The following COBLL1 variants were observed in gnomAD, a reference collection of about 807,000 sequenced individuals.
COBLL1 encodes cordon-bleu WH2 repeat protein like 1.
In COBLL1, 50 loss-of-function variants were observed where a neutral mutation model predicts 94.8. The ratio of observed to expected loss-of-function variants is 0.53; its 90% CI spans 0.42 to 0.67. The LOEUF (loss-of-function observed/expected upper bound fraction) is 0.67. Ranked by LOEUF, COBLL1 falls within the 30% of genes least tolerant of loss-of-function variation. The pLI, the probability that COBLL1 is intolerant of heterozygous loss-of-function variation, is 0.00. For synonymous variants in COBLL1, 448 were observed against 473.8 expected (o/e 0.95, Z 0.71); for missense variants, 1,362 against 1,348.7 (o/e 1.01, Z -0.15).
chr2:164,695,088 G>T lies in COBLL1; in HGVS notation c.2304C>A (p.His768Gln). ...DQDMHALGKK[H>Q]THENVKETAI... ...CAGTTTCTTTCACATTCTCATGAGT[G>T]TGCTTTTTCCCTAAAGCATGCATGT... Residue 768 changes from histidine to glutamine, a missense_variant, in exon 12 of 14, where the codon CAC (histidine) becomes CAA (glutamine). By Grantham distance (24) the His-to-Gln change is conservative. Coordinates refer to ENST00000652658, the MANE Select transcript of COBLL1 (RefSeq NM_001365672.2). The T allele has an allele frequency of 6.2e-7, 1 of 1,613,780 alleles. No homozygotes were observed. Among genetic ancestry groups the T allele is most frequent in the Non-Finnish European group, 8.5e-7 (1 of 1,179,898 alleles).
chr2:164,775,095 G>A (rs1177146137), intron 2 of COBLL1, among the ~76,000 whole-genome samples: 3 of 151,952 alleles, frequency 2.0e-5, no homozygotes, highest in Non-Finnish European at 2.9e-5. Context: ...GTTTGAGGTT[G>A]CAGTGAGCTG....
chr2:164,823,291 T>C (rs1685271691), intron 2 of COBLL1, among the ~76,000 whole-genome samples: 1 of 152,334 alleles, frequency 6.6e-6, no homozygotes, highest in South Asian at 2.1e-4. Flanking sequence ...TGACGCATTG[T>C]TTATTTAACA....
chr2:164,760,848 T>C (rs939318684), intron 2 of COBLL1, among the ~76,000 whole-genome samples: 1 of 152,230 alleles, frequency 6.6e-6, no homozygotes, highest in African/African-American at 2.4e-5. Flanking sequence ...CTTCAGTTCG[T>C]ACCTATTTAA....
At chr2:164,689,122 T>C (rs765584029) in intron 13 of COBLL1, among the ~76,000 whole-genome samples, 4 of 152,094 alleles carry the variant, frequency 2.6e-5, no homozygotes, top group Non-Finnish European at 5.9e-5. Flanking sequence ...TACATGTGGG[T>C]TGAGTAGGGG....
At chr2:164,803,448 C>T (rs1228977147) in intron 2 of COBLL1, among the ~76,000 whole-genome samples, 2 of 150,524 alleles carry the variant, frequency 1.3e-5, no homozygotes, top group African/African-American at 4.8e-5. Context: ...GCCTGTAGTC[C>T]CAGCTACTTG....
chr2:164,701,910 T>A (rs866590427), intron 9 of COBLL1, among the ~76,000 whole-genome samples: 1 of 7,114 alleles, frequency 1.4e-4, no homozygotes, highest in Admixed American at 1.5e-3. Flanking sequence ...GGGGGCGGGG[T>A]GGGGAGGTGG....
rs567465534 is a variant in COBLL1, at chr2:164,748,133, T to C, written c.42-4258A>G. Among the ~76,000 whole-genome samples, 5 of 152,252 alleles carry C rather than the reference T, an allele frequency of 3.3e-5. No homozygotes were observed. In the East Asian group the frequency reaches 9.7e-4, roughly 29 times the overall value. ...TGATAAGCAGAGCCTGTAGGGTCAA[T>C]TATATGTTAGTTCCCAATTGTGATC... On this transcript the variant is annotated intron_variant, in intron 2 of 13. Transcript: ENST00000652658.
At chr2:164,725,976 G>A (rs183616432) in intron 5 of COBLL1, among the ~76,000 whole-genome samples, 1 of 152,054 alleles carries the variant, frequency 6.6e-6, no homozygotes, top group Non-Finnish European at 1.5e-5. Context: ...AGGAGGCAAG[G>A]GTAGTGACAG....
At chr2:164,818,244 A>G (rs895819977) in intron 2 of COBLL1, among the ~76,000 whole-genome samples, 2 of 150,036 alleles carry the variant, frequency 1.3e-5, no homozygotes, top group African/African-American at 5.0e-5. Context: ...ATGTATGTAT[A>G]CATGTGCATA....
At position 164,728,011 on chromosome 2, in the gene COBLL1, C is replaced by G; in HGVS notation, c.619G>C (p.Asp207His). 1 of 1,612,994 alleles carries G rather than the reference C, an allele frequency of 6.2e-7. No individual in the cohort carries two copies. The highest frequency in any genetic ancestry group is 8.5e-7 in the Non-Finnish European group (1 of 1,179,076). The change falls in exon 5 of 14, where the codon GAC (aspartate) becomes CAC (histidine). Residue 207 changes from aspartate to histidine, a missense_variant. Transcript: ENST00000652658. ...GCATATAATTCTCTTAGTCCCAGGT[C>G]ATTAAGAGATTTTGTCAAGTCAAGA... ...EPLDLTKSLN[D>H]LGLRELYAMD...
At position 164,776,853 on chromosome 2, in the gene COBLL1, T is replaced by C. The variant is rs114266408; in HGVS notation, c.42-32978A>G. 5.8e-3 allele frequency among the ~76,000 whole-genome samples: 890 copies of C among 152,270 alleles called. 12 individuals are homozygous for C. Among genetic ancestry groups the C allele is most frequent in the African/African-American group, 0.02 (840 of 41,556 alleles). Reference sequence around the variant, plus strand: ...TTAACATATATAAAAAGGACAATACTATTAGCCCTTGGAAAAAAACACAAA... The same window carrying C: ...TTAACATATATAAAAAGGACAATACCATTAGCCCTTGGAAAAAAACACAAA... On this transcript the variant is annotated intron_variant, in intron 2 of 13. Transcript: ENST00000652658.
intron 2 of COBLL1, among the ~76,000 whole-genome samples, chr2:164,749,272 T>C (rs934732662): frequency 1.3e-5 from 2 of 152,184 alleles, no homozygotes; most frequent in Admixed American, 1.3e-4. Flanking sequence ...TTCTTATAGA[T>C]TCATTCAGAA....
At chr2:164,833,449 A>ACTT (rs1683172746) in intron 2 of COBLL1, among the ~76,000 whole-genome samples, 1 of 138,496 alleles carries the variant, frequency 7.2e-6, no homozygotes, top group African/African-American at 2.7e-5. Flanking sequence ...CTGCCTTTAC[A>ACTT]TTTTTTTTTT....
intron 9 of COBLL1, among the ~76,000 whole-genome samples, chr2:164,704,010 A>C (rs1360686771): frequency 2.0e-5 from 3 of 152,214 alleles, no homozygotes; most frequent in Non-Finnish European, 4.4e-5. Context: ...GATTTTTACC[A>C]TTAGAGTAGG....
chr2:164,743,480 G>C, intron 3 of COBLL1: 2 of 441,940 alleles, frequency 4.5e-6, no homozygotes, highest in Non-Finnish European at 4.0e-6. Context: ...TCATTTAATT[G>C]GGTTTGTGGA....
intron 2 of COBLL1, among the ~76,000 whole-genome samples, chr2:164,807,651 T>C (rs1684244267): frequency 6.6e-6 from 1 of 152,142 alleles, no homozygotes; most frequent in South Asian, 2.1e-4. Flanking sequence ...AGCCTATTAA[T>C]AGTATTAGCA....
chr2:164,755,533 T>C (rs1233770460), intron 2 of COBLL1, among the ~76,000 whole-genome samples: 1 of 152,152 alleles, frequency 6.6e-6, no homozygotes, highest in Non-Finnish European at 1.5e-5. Context: ...ATAGCAATTA[T>C]GTAAAGTGGG....
chr2:164,791,999 T>G (rs1683212613), intron 2 of COBLL1, among the ~76,000 whole-genome samples: 1 of 152,140 alleles, frequency 6.6e-6, no homozygotes. Flanking sequence ...TTTTAATTTT[T>G]TAAATCCACA....
chr2:164,705,634 C>T (rs1684549397), intron 7 of COBLL1, among the ~76,000 whole-genome samples: 1 of 152,212 alleles, frequency 6.6e-6, no homozygotes, highest in Non-Finnish European at 1.5e-5. Context: ...CATCCTCCTT[C>T]AGCAGGGGTC....
Sources: allele counts gnomAD v4.1 joint callset (sites outside exome capture counted in the v4.1 genomes callset), GRCh38; gene constraint gnomAD v4.1.1; transcripts MANE v1.5; gene names NCBI Gene and HGNC (gene_info 2026-07-23, HGNC 2026-07-21).